CEP112: variants seen among roughly 807,000 people sequenced by gnomAD.
CEP112 encodes centrosomal protein 112.
Under a neutral mutation model 153.0 loss-of-function variants are expected in CEP112, and 127 were observed. That is an observed-to-expected ratio of 0.83 (90% CI 0.72 to 0.96). The LOEUF (loss-of-function observed/expected upper bound fraction) is 0.96, where lower values mean the gene tolerates loss of function less well. CEP112 is among the 40% of genes least tolerant of loss of function. CEP112 has a pLI of 0.00. For missense variants in CEP112, 1,089 were observed against 1,101.2 expected, an observed-to-expected ratio of 0.99 and a Z score of 0.16; for synonymous variants, 358 against 374.4, an observed-to-expected ratio of 0.96 and a Z score of 0.51.
intron 16 of CEP112, among the ~76,000 whole-genome samples, chr17:66,015,508 A>C (rs984111648): frequency 2.0e-5 from 3 of 152,176 alleles, no homozygotes; most frequent in African/African-American, 7.2e-5. Flanking sequence ...CACATTCAAA[A>C]ATGTCATTCT....
intron 4 of CEP112, among the ~76,000 whole-genome samples, chr17:66,154,769 C>T (rs2071365536): frequency 6.6e-6 from 1 of 151,838 alleles, no homozygotes; most frequent in Admixed American, 6.6e-5. Flanking sequence ...AGTCAACTGA[C>T]AAAACTATAT....
intron 21 of CEP112, among the ~76,000 whole-genome samples, chr17:65,774,626 C>T (rs1182193021): frequency 1.3e-5 from 2 of 152,118 alleles, no homozygotes; most frequent in Non-Finnish European, 2.9e-5. Flanking sequence ...TGGGGATAAT[C>T]GATGTCTCCG....
At chr17:65,873,344 G>C (rs748870837) in intron 20 of CEP112, among the ~76,000 whole-genome samples, 2 of 152,014 alleles carry the variant, frequency 1.3e-5, no homozygotes, top group Admixed American at 6.6e-5. Flanking sequence ...CTTGACTTTC[G>C]GTAATTATGT....
At chr17:65,824,173 A>T (rs2056727078) in intron 21 of CEP112, among the ~76,000 whole-genome samples, 1 of 152,244 alleles carries the variant, frequency 6.6e-6, no homozygotes, top group Non-Finnish European at 1.5e-5. Flanking sequence ...GATATTTCCC[A>T]GCTGGAGAAT....
At chr17:65,792,705 G>C (rs897542547) in intron 21 of CEP112, among the ~76,000 whole-genome samples, 6 of 152,150 alleles carry the variant, frequency 3.9e-5, no homozygotes, top group African/African-American at 1.4e-4. Flanking sequence ...GAAGCTGCTA[G>C]AGCTGAATTT....
At chr17:65,724,122 T>C (rs1480581316) in intron 23 of CEP112, among the ~76,000 whole-genome samples, 4 of 152,186 alleles carry the variant, frequency 2.6e-5, no homozygotes, top group Non-Finnish European at 5.9e-5. Flanking sequence ...AGCATTCCTG[T>C]AACCCACCAA....
chr17:65,913,138 C>T (rs1261554712), intron 19 of CEP112, among the ~76,000 whole-genome samples: 4 of 152,166 alleles, frequency 2.6e-5, no homozygotes, highest in African/African-American at 9.7e-5. Context: ...GAAAAATTTG[C>T]ATCTGCAAAA....
intron 21 of CEP112, among the ~76,000 whole-genome samples, chr17:65,845,579 A>G (rs964054604): frequency 6.6e-6 from 1 of 152,194 alleles, no homozygotes; most frequent in African/African-American, 2.4e-5. Context: ...CACTTTCCCT[A>G]TTTTCTAAAA....
At chr17:65,820,626 T>C (rs1039413048) in intron 21 of CEP112, among the ~76,000 whole-genome samples, 2 of 152,124 alleles carry the variant, frequency 1.3e-5, no homozygotes, top group Non-Finnish European at 2.9e-5. Context: ...TTCGCTATAA[T>C]CTAAGTATGG....
intron 21 of CEP112, among the ~76,000 whole-genome samples, chr17:65,822,990 C>T (rs1309546597): frequency 6.6e-6 from 1 of 152,012 alleles, no homozygotes; most frequent in Non-Finnish European, 1.5e-5. Flanking sequence ...GATTCAATAT[C>T]ATCTAACAAA....
At chr17:65,949,106 C>T (rs1205262617) in intron 18 of CEP112, among the ~76,000 whole-genome samples, 1 of 152,106 alleles carries the variant, frequency 6.6e-6, no homozygotes, top group Non-Finnish European at 1.5e-5. Flanking sequence ...ATCAGATTCA[C>T]ATTTTTTTAA....
rs1301508113 is a variant in CEP112, at chr17:66,166,340, T to G, written c.470+8704A>C. On this transcript the variant is annotated intron_variant, in intron 4 of 26. Coordinates refer to ENST00000535342, the MANE Select transcript of CEP112 (RefSeq NM_001199165.4). Reference sequence around the variant, plus strand: ...ACTCCTCTTCACCCTACCCTAACTTTTAATCAAAGTTTTCAGTAAAAATAA... The same window carrying G: ...ACTCCTCTTCACCCTACCCTAACTTGTAATCAAAGTTTTCAGTAAAAATAA... Among the ~76,000 whole-genome samples, 3 of 152,330 alleles carry G rather than the reference T, an allele frequency of 2.0e-5. No individual in the cohort carries two copies. The East Asian group carries it at 5.8e-4, about 29-fold the overall frequency.
At chr17:65,815,027 T>C (rs560493531) in intron 21 of CEP112, among the ~76,000 whole-genome samples, 1 of 152,272 alleles carries the variant, frequency 6.6e-6, no homozygotes, top group South Asian at 2.1e-4. Flanking sequence ...AAGTTTTATT[T>C]CTGATGATTT....
rs889500086 is a variant in CEP112 at position 65,760,586 on chromosome 17, T to C, written c.2395-9862A>G. ...AAATGTTGAGACAGCCCTGCATAAC[T>C]GGGATACATTCCACTTGGCTCTGGT... On this transcript the variant is annotated intron_variant, in intron 21 of 26. Transcript: ENST00000535342. Among the ~76,000 whole-genome samples, 126 of 152,284 alleles carry C rather than the reference T, an allele frequency of 8.3e-4. 1 individual carries two copies. Among genetic ancestry groups the C allele is most frequent in the African/African-American group, 3.0e-3 (124 of 41,572 alleles).
intron 21 of CEP112, among the ~76,000 whole-genome samples, chr17:65,759,951 A>G (rs2052512409): frequency 6.6e-6 from 1 of 152,212 alleles, no homozygotes; most frequent in South Asian, 2.1e-4. Context: ...CAAAAAAATC[A>G]TGAAGTTGAA....
intron 22 of CEP112, 30 bp downstream of exon 22, chr17:65,750,631 AC>A (rs2051770594): frequency 6.3e-7 from 1 of 1,599,206 alleles, no homozygotes; most frequent in South Asian, 1.1e-5. Context: ...TTTTGGTTTT[AC>A]CCTGTTTTGT....
Position 66,158,649 on chromosome 17 carries a change from C to A in CEP112, c.470+16395G>T, listed in dbSNP as rs190559173. Among the ~76,000 whole-genome samples the A allele has an allele frequency of 2.8e-3, 422 of 152,182 alleles. 2 individuals are homozygous for A. Among genetic ancestry groups the A allele is most frequent in the African/African-American group, 9.4e-3 (390 of 41,524 alleles). On this transcript the variant is annotated intron_variant, in intron 4 of 26. Coordinates refer to ENST00000535342, the MANE Select transcript of CEP112 (RefSeq NM_001199165.4). ...AAAGAAATAAAGTTGTTCTTTGAAACCAATGAGAACAAACACACAATGTAC... is the reference window on the plus strand; with the variant it reads ...AAAGAAATAAAGTTGTTCTTTGAAAACAATGAGAACAAACACACAATGTAC...
chr17:65,657,732 T>C (rs568418649), intron 24 of CEP112, among the ~76,000 whole-genome samples: 1 of 152,286 alleles, frequency 6.6e-6, no homozygotes, highest in Admixed American at 6.5e-5. Flanking sequence ...ATAACTGACT[T>C]TGTTAATAAA....
At chr17:65,957,492 T>C (rs895090673) in intron 18 of CEP112, among the ~76,000 whole-genome samples, 12 of 152,220 alleles carry the variant, frequency 7.9e-5, no homozygotes, top group African/African-American at 2.9e-4. Context: ...ATTTAATTTG[T>C]ATGATAGTGT....
Sources: gnomAD v4.1 joint callset for allele counts (sites outside exome capture counted in the v4.1 genomes callset) on GRCh38, gnomAD v4.1.1 for gene constraint, MANE v1.5 for transcripts, NCBI Gene and HGNC (gene_info 2026-07-23, HGNC 2026-07-21) for gene names.